GALNTL6: variants seen among roughly 807,000 people sequenced by gnomAD.
The protein encoded by GALNTL6 is polypeptide N-acetylgalactosaminyltransferase-like 6.
GALNTL6 carries 46 observed loss-of-function variants against 73.7 expected under a neutral mutation model. The ratio of observed to expected loss-of-function variants is 0.62; its 90% CI spans 0.49 to 0.80. GALNTL6 has a LOEUF of 0.80. GALNTL6 is among the 30% of genes least tolerant of loss of function. GALNTL6 has a pLI of 0.00. For synonymous variants in GALNTL6, 259 were observed against 263.7 expected, an observed-to-expected ratio of 0.98 and a Z score of 0.17; for missense variants, 604 against 755.0, an observed-to-expected ratio of 0.80 and a Z score of 2.34.
intron 7 of GALNTL6, among the ~76,000 whole-genome samples, chr4:172,871,627 T>C (rs1744944184): frequency 6.7e-6 from 1 of 149,516 alleles, no homozygotes; most frequent in Non-Finnish European, 1.5e-5. Context: ...TGTGTGTGTG[T>C]GTGTGTGTGT....
At chr4:172,133,707 T>C (rs1733560661) in intron 2 of GALNTL6, among the ~76,000 whole-genome samples, 1 of 152,310 alleles carries the variant, frequency 6.6e-6, no homozygotes, top group African/African-American at 2.4e-5. Flanking sequence ...TTAGTCAGTA[T>C]CATGGATAGA....
chr4:171,979,512 T>G (rs112395037), intron 2 of GALNTL6, among the ~76,000 whole-genome samples: 86 of 152,318 alleles, frequency 5.6e-4, no homozygotes, highest in African/African-American at 2.0e-3. Flanking sequence ...AAAAGAAGTT[T>G]CAGGCAACTA....
rs372428508 is a variant in GALNTL6, at chr4:172,906,811, T to C, written c.1041+23904T>C. Among the ~76,000 whole-genome samples the C allele has an allele frequency of 1.1e-4, 17 of 152,358 alleles. No homozygotes were observed. In the East Asian group the frequency reaches 3.1e-3, roughly 28 times the overall value. Reference sequence around the variant, plus strand: ...GGCCAGCAGGAGAATTTCTCTCACATTTCAGAACCTTCAAAGATCTTCCTT... The same window carrying C: ...GGCCAGCAGGAGAATTTCTCTCACACTTCAGAACCTTCAAAGATCTTCCTT... On this transcript the variant is annotated intron_variant, in intron 8 of 12. Transcript: ENST00000506823.
chr4:172,000,864 G>A (rs372844571), intron 2 of GALNTL6, among the ~76,000 whole-genome samples: 2 of 152,108 alleles, frequency 1.3e-5, no homozygotes, highest in Admixed American at 6.6e-5. Flanking sequence ...CAAGAAAATT[G>A]CAGAGAAGTT....
intron 5 of GALNTL6, among the ~76,000 whole-genome samples, chr4:172,655,399 G>A (rs781372300): frequency 3.3e-5 from 5 of 152,140 alleles, no homozygotes; most frequent in Admixed American, 6.5e-5. Flanking sequence ...ATATAAGAGT[G>A]AGCACTTATT....
At chr4:172,779,852 A>T (rs765892913) in intron 5 of GALNTL6, among the ~76,000 whole-genome samples, 7 of 151,710 alleles carry the variant, frequency 4.6e-5, no homozygotes, top group Non-Finnish European at 1.0e-4. Flanking sequence ...CTTTAGAGAG[A>T]TTTTTTTTTC....
At position 173,040,197 on chromosome 4, in the gene GALNTL6, C is replaced by G. The variant is rs1753849119; in HGVS notation, c.*97C>G. ...GAGTCAGGAATAACATTTCCTCGAT[C>G]CAGGAAGGCTGGTTTAAAAATTTGC... On this transcript the variant is annotated 3_prime_UTR_variant, in exon 13 of 13. Transcript: ENST00000506823. 1.1e-6 allele frequency: 1 copy of G among 909,184 alleles called. No homozygotes were observed. The highest frequency in any genetic ancestry group is 1.7e-5 in the African/African-American group (1 of 58,042). The allele number at this position is 909,184 out of a possible 1,614,324, so 56.3% of individuals were successfully genotyped here.
chr4:171,902,121 G>A (rs1737118219), intron 2 of GALNTL6, among the ~76,000 whole-genome samples: 1 of 152,166 alleles, frequency 6.6e-6, no homozygotes, highest in East Asian at 1.9e-4. Context: ...GAAATACACA[G>A]CTCAAGCCTG....
chr4:172,408,125 G>C (rs1425916075), intron 5 of GALNTL6, among the ~76,000 whole-genome samples: 1 of 151,872 alleles, frequency 6.6e-6, no homozygotes, highest in Non-Finnish European at 1.5e-5. Flanking sequence ...AATGTTTCTT[G>C]GCATCCCTTA....
chr4:171,987,296 G>A (rs145689640), intron 2 of GALNTL6, among the ~76,000 whole-genome samples: 6,102 of 152,248 alleles, frequency 0.04, 200 homozygotes, highest in Non-Finnish European at 0.055. Context: ...GGGATATAAA[G>A]GTTTGACTGA....
intron 5 of GALNTL6, among the ~76,000 whole-genome samples, chr4:172,450,868 T>A (rs1041067607): frequency 2.0e-5 from 3 of 152,356 alleles, no homozygotes; most frequent in Admixed American, 6.5e-5. Flanking sequence ...TAGACTCCAG[T>A]CATTCTCTCA....
chr4:172,970,479 T>C (rs563392509), intron 10 of GALNTL6, among the ~76,000 whole-genome samples: 4 of 152,182 alleles, frequency 2.6e-5, no homozygotes, highest in Non-Finnish European at 5.9e-5. Flanking sequence ...TAATATTTAA[T>C]ATTCCTTGCT....
At chr4:172,365,197 GT>G (rs1037439096) in intron 5 of GALNTL6, among the ~76,000 whole-genome samples, 2 of 152,138 alleles carry the variant, frequency 1.3e-5, no homozygotes, top group African/African-American at 4.8e-5. Context: ...GTCTTGCAAT[GT>G]TTCTGAGTGG....
intron 2 of GALNTL6, among the ~76,000 whole-genome samples, chr4:172,087,204 G>A (rs1732062391): frequency 6.6e-6 from 1 of 152,112 alleles, no homozygotes; most frequent in Non-Finnish European, 1.5e-5. Context: ...GGCACTTTGG[G>A]AGGCCGAGGC....
chr4:172,200,303 A>G (rs1447231193), intron 2 of GALNTL6, among the ~76,000 whole-genome samples: 2 of 152,192 alleles, frequency 1.3e-5, no homozygotes, highest in African/African-American at 2.4e-5. Context: ...ATTATGTTTA[A>G]TTTAAAGTTG....
chr4:172,156,540 A>ACTAT (rs58197299), intron 2 of GALNTL6, among the ~76,000 whole-genome samples: 4 of 125,186 alleles, frequency 3.2e-5, no homozygotes, highest in Non-Finnish European at 4.8e-5. Flanking sequence ...ATATATATAT[A>ACTAT]ATATATATAT....
intron 3 of GALNTL6, among the ~76,000 whole-genome samples, chr4:172,276,201 CTCCGAA>C (rs1738827263): frequency 1.3e-5 from 2 of 152,246 alleles, no homozygotes; most frequent in South Asian, 4.1e-4. Context: ...AGATTTTTAT[CTCCGAA>C]GAAGAAACAT....
chr4:172,350,969 A>G (rs1741919614), intron 5 of GALNTL6, among the ~76,000 whole-genome samples: 1 of 152,136 alleles, frequency 6.6e-6, no homozygotes, highest in Admixed American at 6.6e-5. Context: ...GTCTCTGTTT[A>G]TCAAAATGAG....
intron 3 of GALNTL6, among the ~76,000 whole-genome samples, chr4:172,270,159 C>T (rs1738590743): frequency 6.6e-6 from 1 of 151,444 alleles, no homozygotes; most frequent in Non-Finnish European, 1.5e-5. Context: ...ACTCCTTTTA[C>T]TTCTCTGTCC....
Sources: gnomAD v4.1 joint callset for allele counts (sites outside exome capture counted in the v4.1 genomes callset) on GRCh38, gnomAD v4.1.1 for gene constraint, MANE v1.5 for transcripts, NCBI Gene and HGNC (gene_info 2026-07-23, HGNC 2026-07-21) for gene names.